PDE10A: variants seen among roughly 807,000 people sequenced by gnomAD.
The protein encoded by PDE10A is phosphodiesterase 10A.
PDE10A carries 39 observed loss-of-function variants against 97.7 expected under a neutral mutation model. The observed-to-expected ratio is 0.40, with a 90% confidence interval of 0.31 to 0.52. The LOEUF (loss-of-function observed/expected upper bound fraction) is 0.52. Among genes scored for constraint, PDE10A ranks in the 20% least tolerant of loss-of-function variants. PDE10A has a pLI of 0.56. For synonymous variants in PDE10A, 371 were observed against 376.8 expected, an observed-to-expected ratio of 0.98 and a Z score of 0.18; for missense variants, 731 against 1,047.8, an observed-to-expected ratio of 0.70 and a Z score of 4.17.
At chr6:165,644,112 G>C (rs929176162) in intron 1 of PDE10A, among the ~76,000 whole-genome samples, 2 of 152,146 alleles carry the variant, frequency 1.3e-5, no homozygotes, top group Non-Finnish European at 2.9e-5. Flanking sequence ...CTGGAGTGCA[G>C]TGGCGTGATC....
chr6:165,848,654 C>T (rs933216624), intron 1 of PDE10A, among the ~76,000 whole-genome samples: 1 of 152,154 alleles, frequency 6.6e-6, no homozygotes, highest in African/African-American at 2.4e-5. Context: ...AGCCTCAAGC[C>T]CATATGGCCC....
At chr6:165,798,216 A>C (rs1164992222) in intron 1 of PDE10A, among the ~76,000 whole-genome samples, 1 of 152,264 alleles carries the variant, frequency 6.6e-6, no homozygotes, top group African/African-American at 2.4e-5. Context: ...AATACATACG[A>C]AAGTTCCTAA....
intron 18 of PDE10A, among the ~76,000 whole-genome samples, chr6:165,359,515 C>A (rs901131522): frequency 1.2e-4 from 18 of 152,284 alleles, no homozygotes; most frequent in African/African-American, 4.1e-4. Flanking sequence ...TCTCAAATTT[C>A]TTTGGGGCTC....
chr6:165,527,870 G>C (rs1355945528), intron 2 of PDE10A, among the ~76,000 whole-genome samples: 1 of 152,206 alleles, frequency 6.6e-6, no homozygotes, highest in Non-Finnish European at 1.5e-5. Context: ...GTTGACAGAA[G>C]AAGAGAAGGC....
intron 13 of PDE10A, chr6:165,409,639 C>T (rs142719719): frequency 0.011 from 1,700 of 155,838 alleles, 28 homozygotes; most frequent in African/African-American, 0.038. Context: ...CTGGTTAGTA[C>T]TTGGATGGGA....
chr6:165,705,209 A>AG (rs889402187), intron 1 of PDE10A, among the ~76,000 whole-genome samples: 15 of 152,380 alleles, frequency 9.8e-5, no homozygotes, highest in African/African-American at 3.6e-4. Context: ...CTCCTGAGAC[A>AG]GGTGAGGTTA....
intron 1 of PDE10A, among the ~76,000 whole-genome samples, chr6:165,645,579 C>T (rs1158110378): frequency 1.3e-5 from 2 of 152,036 alleles, no homozygotes; most frequent in Non-Finnish European, 2.9e-5. Flanking sequence ...CCTGGCTGGG[C>T]GCGGTGTCTC....
chr6:165,542,081 C>T (rs1342407176), intron 2 of PDE10A, among the ~76,000 whole-genome samples: 2 of 152,060 alleles, frequency 1.3e-5, no homozygotes, highest in Non-Finnish European at 2.9e-5. Flanking sequence ...CCTTTTTACA[C>T]TAATAAAGTT....
At chr6:165,464,110 C>A (rs935304809) in intron 3 of PDE10A, among the ~76,000 whole-genome samples, 1 of 152,184 alleles carries the variant, frequency 6.6e-6, no homozygotes, top group African/African-American at 2.4e-5. Flanking sequence ...CTCCATATTT[C>A]TTTGTGTGTG....
At position 165,720,056 on chromosome 6, in the gene PDE10A, A is replaced by G. The variant is rs1792127221; in HGVS notation, c.-614-176488T>C. Among the ~76,000 whole-genome samples the G allele has an allele frequency of 3.3e-5, 5 of 152,250 alleles. No individual in the cohort carries two copies. The South Asian group carries it at 1.0e-3, about 32-fold the overall frequency. On this transcript the variant is annotated intron_variant, in intron 1 of 19. Coordinates refer to the PDE10A transcript ENST00000366882. ...TTCCGTAACAGGCGCTCAATAGACAACGTCTAAAGAAACAAAGTAATTATT... is the reference window on the plus strand; with the variant it reads ...TTCCGTAACAGGCGCTCAATAGACAGCGTCTAAAGAAACAAAGTAATTATT...
intron 3 of PDE10A, among the ~76,000 whole-genome samples, chr6:165,474,675 A>G (rs1331256388): frequency 6.6e-6 from 1 of 152,148 alleles, no homozygotes; most frequent in Non-Finnish European, 1.5e-5. Flanking sequence ...AGTCAGAAAC[A>G]AGAAAAAAAA....
At chr6:165,832,942 C>G (rs1294546392) in intron 1 of PDE10A, among the ~76,000 whole-genome samples, 1 of 152,208 alleles carries the variant, frequency 6.6e-6, no homozygotes, top group Admixed American at 6.5e-5. Context: ...CCAGCCCTGC[C>G]TGGTCCATGT....
At chr6:165,768,961 C>T (rs148445917) in intron 1 of PDE10A, among the ~76,000 whole-genome samples, 1 of 152,156 alleles carries the variant, frequency 6.6e-6, no homozygotes, top group Admixed American at 6.5e-5. Context: ...GTAAAACGTG[C>T]CTACTTTCAA....
chr6:165,417,636 A>T (rs1583243269), intron 11 of PDE10A, among the ~76,000 whole-genome samples: 1 of 22,406 alleles, frequency 4.5e-5, no homozygotes, highest in African/African-American at 2.7e-4. Context: ...CAGCAACAAC[A>T]AAAAAAACCA....
chr6:165,408,452 C>T (rs769550513), intron 13 of PDE10A, among the ~76,000 whole-genome samples: 2 of 152,048 alleles, frequency 1.3e-5, no homozygotes, highest in Non-Finnish European at 2.9e-5. Context: ...GCAAGCATCT[C>T]GGTGCCACAG....
chr6:165,912,831 C>T (rs1782500167), intron 1 of PDE10A, among the ~76,000 whole-genome samples: 1 of 152,162 alleles, frequency 6.6e-6, no homozygotes, highest in Non-Finnish European at 1.5e-5. Context: ...CCAGTATAAG[C>T]AACTGTTTAG....
intron 1 of PDE10A, among the ~76,000 whole-genome samples, chr6:165,823,929 G>A (rs1215976972): frequency 6.6e-6 from 1 of 152,132 alleles, no homozygotes; most frequent in Non-Finnish European, 1.5e-5. Flanking sequence ...ATTTCAATAT[G>A]TCCTAATTCA....
At chr6:165,482,423 C>G in intron 2 of PDE10A, 80 bp from the exon 3 acceptor site, 1 of 1,096,050 alleles carries the variant, frequency 9.1e-7, no homozygotes, top group Non-Finnish European at 1.4e-6. Flanking sequence ...CATTTGCTTT[C>G]AATAAACTTG....
At chr6:165,854,785 A>G (rs1011754315) in intron 1 of PDE10A, among the ~76,000 whole-genome samples, 3 of 152,116 alleles carry the variant, frequency 2.0e-5, no homozygotes, top group Non-Finnish European at 2.9e-5. Context: ...GAGCGACTGG[A>G]GGAGCGCAGG....
Sources: gnomAD v4.1 joint callset for allele counts (sites outside exome capture counted in the v4.1 genomes callset) on GRCh38, gnomAD v4.1.1 for gene constraint, MANE v1.5 for transcripts, NCBI Gene and HGNC (gene_info 2026-07-23, HGNC 2026-07-21) for gene names.